Variants in ZNF816 observed in about 807,000 individuals in gnomAD.
The protein encoded by ZNF816 is zinc finger protein 816.
Under a neutral mutation model 8.3 loss-of-function variants are expected in ZNF816, and 11 were observed. The observed-to-expected ratio is 1.32, with a 90% CI of 0.83 to 2.19. The LOEUF (loss-of-function observed/expected upper bound fraction) is 2.19. Ranked by LOEUF, ZNF816 falls within the 30% of genes most tolerant of loss-of-function variation. ZNF816 has a pLI of 0.00. For synonymous variants in ZNF816, 255 were observed against 254.5 expected, an observed-to-expected ratio of 1.00 and a Z score of -0.02; for missense variants, 710 against 779.3, an observed-to-expected ratio of 0.91 and a Z score of 1.06.
At position 52,951,576 on chromosome 19, in the gene ZNF816, A is replaced by G; in HGVS notation, c.199T>C (p.Leu67=). Residue 67 remains leucine (L), a synonymous_variant, in exon 4 of 4, where the codon TTA becomes CTA. Coordinates refer to ENST00000444460, the MANE Select transcript of ZNF816 (RefSeq NM_001202457.3). ...GATGAGAACTCCATCATGGATTTTA[A>G]AGAGCTATCTAAAAAATATAAAGAC... The part of the protein sequence containing the change: ...YRNLEFVDSS[L]KSMMEFSSTR... 6.5e-7 allele frequency: 1 copy of G among 1,538,690 alleles called. No homozygotes were observed. The highest frequency in any genetic ancestry group is 8.7e-7 in the Non-Finnish European group (1 of 1,147,252).
rs758557277 is a variant in ZNF816 at position 52,951,029 on chromosome 19, A to T, written c.746T>A (p.Ile249Lys). 6.2e-7 allele frequency: 1 copy of T among 1,613,994 alleles called. No individual in the cohort carries two copies. Residue 249 changes from isoleucine to lysine, a missense_variant, in exon 4 of 4, where the codon ATA becomes AAA. Physicochemically the swap from Ile to Lys is moderately radical, Grantham distance 102. Coordinates refer to ENST00000444460, the MANE Select transcript of ZNF816 (RefSeq NM_001202457.3). ...NYSSLLRRHH[I>K]THSREREYKC... ...ATATTCTCTCTCTCTTGAATGGGTT[A>T]TGTGGTGTCTCCTTAAGAGTGAGCT...
In ZNF816 at chr19:52,952,016, G is replaced by A. The variant is rs186648785; in HGVS notation, c.191-432C>T. ...TACTGCTTAGAGAAGATGACCATTC[G>A]TTTATGTGATGAACACTGTCACAGT... On this transcript the variant is annotated intron_variant, in intron 3 of 3. Coordinates refer to ENST00000444460, the MANE Select transcript of ZNF816 (RefSeq NM_001202457.3). The A allele has an allele frequency of 3.6e-4, 144 of 397,514 alleles. 2 individuals are homozygous for A. Among genetic ancestry groups the A allele is most frequent in the Non-Finnish European group, 1.1e-4 (24 of 226,260 alleles). The allele number at this position is 397,514 out of a possible 1,614,324, so 24.6% of individuals were successfully genotyped here. A position where few individuals can be genotyped will look rare whatever the true frequency, so the allele number is the denominator to read the frequency against.
chr19:52,952,939 A>T, intron 2 of ZNF816, 62 bp from the exon 3 acceptor site: 1 of 1,530,190 alleles, frequency 6.5e-7, no homozygotes. Context: ...CCCTCACGTG[A>T]AATGAGAAAA....
intron 1 of ZNF816, among the ~76,000 whole-genome samples, chr19:52,962,286 G>A (rs755182814): frequency 2.0e-5 from 3 of 152,252 alleles, no homozygotes; most frequent in East Asian, 1.9e-4. Flanking sequence ...TCTGGGTCCT[G>A]GCTCTGGGAA....
At chr19:52,961,212 G>A (rs1286262769) in intron 1 of ZNF816, among the ~76,000 whole-genome samples, 3 of 152,102 alleles carry the variant, frequency 2.0e-5, no homozygotes. Context: ...TGCAACCACC[G>A]TTTTTCAAAT....
intron 2 of ZNF816, among the ~76,000 whole-genome samples, chr19:52,955,267 A>C (rs1435416936): frequency 6.6e-6 from 1 of 152,230 alleles, no homozygotes; most frequent in Non-Finnish European, 1.5e-5. Context: ...CTGCAGTTAG[A>C]TATTTATATT....
rs1019388360 is a variant in ZNF816 at position 52,957,749 on chromosome 19, T to G, written c.-15-1645A>C. ...CCCAGACTTGTACTGTAGGAAGACA[T>G]AAAGTGATTCACCAGTTCTTGTACA... On this transcript the variant is annotated intron_variant, in intron 1 of 3. Coordinates refer to ENST00000444460, the MANE Select transcript of ZNF816 (RefSeq NM_001202457.3). This position sits in a 1 kb window ranked among gnomAD's most constrained non-coding sequence, Gnocchi z 4.6. Among the ~76,000 whole-genome samples, 4 of 152,174 alleles carry G rather than the reference T, an allele frequency of 2.6e-5. No individual in the cohort carries two copies. The highest frequency in any genetic ancestry group is 2.6e-4 in the Admixed American group (4 of 15,280).
In ZNF816 at chr19:52,949,709, T is replaced by C; in HGVS notation, c.*110A>G. The C allele has an allele frequency of 6.6e-7, 1 of 1,513,336 alleles. No homozygotes were observed. Among genetic ancestry groups the C allele is most frequent in the Non-Finnish European group, 9.1e-7 (1 of 1,094,356 alleles). The allele number at this position is 1,513,336 out of a possible 1,614,324, so 93.7% of individuals were successfully genotyped here. ...TCACTGATGAACTACAAGTTATGAA[T>C]GACGTCTGAAAAATTTGCCACATTT... On this transcript the variant is annotated 3_prime_UTR_variant, in exon 4 of 4. Coordinates refer to ENST00000444460, the MANE Select transcript of ZNF816 (RefSeq NM_001202457.3).
chr19:52,961,756 G>C (rs2083558958), intron 1 of ZNF816, among the ~76,000 whole-genome samples: 1 of 152,178 alleles, frequency 6.6e-6, no homozygotes, highest in Admixed American at 6.5e-5. Flanking sequence ...CAAGGAACTT[G>C]TTTCTCCAGT....
chr19:52,956,218 C>T (rs772984055), intron 1 of ZNF816, 114 bp from the exon 2 acceptor site: 17 of 1,167,116 alleles, frequency 1.5e-5, no homozygotes, highest in Non-Finnish European at 1.9e-5. Flanking sequence ...CCTTTGCTAC[C>T]CACTGCACCA....
chr19:52,956,656 C>T (rs765614883), intron 1 of ZNF816, among the ~76,000 whole-genome samples: 15 of 152,312 alleles, frequency 9.8e-5, no homozygotes, highest in East Asian at 3.9e-4. Flanking sequence ...CCCATCTCTA[C>T]GAAGAACACA....
chr19:52,952,756 A>G lies in ZNF816; in HGVS notation c.185T>C (p.Phe62Ser), dbSNP rs911032091. The part of the protein sequence containing the change: ...VMLENYRNLE[F>S]VDSSLKSMME... Reference sequence around the variant, plus strand: ...TGGAGGGACATTTTCCTCACCCACAAACTCCAGGTTCCTGTAGTTCTCCAA... The same window carrying G: ...TGGAGGGACATTTTCCTCACCCACAGACTCCAGGTTCCTGTAGTTCTCCAA... The change falls in exon 3 of 4, where the codon TTT (phenylalanine) becomes TCT (serine). Residue 62 changes from phenylalanine to serine, a missense_variant. Coordinates refer to ENST00000444460, the MANE Select transcript of ZNF816 (RefSeq NM_001202457.3). The G allele has an allele frequency of 1.9e-6, 3 of 1,613,844 alleles. No homozygotes were observed. The highest frequency in any genetic ancestry group is 2.5e-6 in the Non-Finnish European group (3 of 1,179,964).
intron 2 of ZNF816, 37 bp downstream of exon 2, chr19:52,955,990 A>G (rs746834582): frequency 6.3e-7 from 1 of 1,587,954 alleles, no homozygotes; most frequent in East Asian, 2.2e-5. Context: ...TTCAGAAAGG[A>G]AAGAGACAGA....
chr19:52,949,858 A>G lies in ZNF816; in HGVS notation c.1917T>C (p.His639=), dbSNP rs750054069. The change falls in exon 4 of 4, where the codon CAT becomes CAC. Residue 639 remains histidine (H), a synonymous_variant. Transcript: ENST00000444460. ...TTTCCCTACACCCATGGATTGCTTG[A>G]TGGTGAATAAGTGTTGACTGTCCAG... ...AFTGQSTLIH[H]QAIHGCRETL... 2 of 1,613,756 alleles carry G rather than the reference A, an allele frequency of 1.2e-6. No individual in the cohort carries two copies. The highest frequency in any genetic ancestry group is 1.1e-5 in the South Asian group (1 of 91,036).
In ZNF816 at chr19:52,950,505, A is replaced by G. The variant is rs772626292; in HGVS notation, c.1270T>C (p.Ser424Pro). ...TTGTCACAAACCTTACATTTGTATGATCCCTCTCCAGTATGAATCTTCCTA... is the reference window on the plus strand; with the variant it reads ...TTGTCACAAACCTTACATTTGTATGGTCCCTCTCCAGTATGAATCTTCCTA... ...RHRKIHTGEG[S>P]YKCKVCDKVF... The change falls in exon 4 of 4, where the codon TCA (serine) becomes CCA (proline). Residue 424 changes from serine to proline, a missense_variant. Transcript: ENST00000444460. 1 of 1,611,602 alleles carries G rather than the reference A, an allele frequency of 6.2e-7. No individual in the cohort carries two copies. Among genetic ancestry groups the G allele is most frequent in the South Asian group, 1.1e-5 (1 of 90,940 alleles).
At chr19:52,955,881 G>A (rs868387544) in intron 2 of ZNF816, 146 bp downstream of exon 2, 1 of 1,045,854 alleles carries the variant, frequency 9.6e-7, no homozygotes, top group Non-Finnish European at 1.4e-6. Flanking sequence ...TTTAAGTGAA[G>A]ATGAGAGGGA....
chr19:52,949,786 G>A lies in ZNF816; in HGVS notation c.*33C>T, dbSNP rs1160826050. ...ATGGATTCTGTAATGATTTGCAATG[G>A]TTGTAGCATTACTGAAGACTTTGTG... On this transcript the variant is annotated 3_prime_UTR_variant, in exon 4 of 4. Coordinates refer to ENST00000444460, the MANE Select transcript of ZNF816 (RefSeq NM_001202457.3). The A allele has an allele frequency of 2.5e-6, 4 of 1,612,412 alleles. No individual in the cohort carries two copies. The highest frequency in any genetic ancestry group is 3.4e-6 in the Non-Finnish European group (4 of 1,179,082).
rs762936794 is a variant in ZNF816, at chr19:52,950,625, G to C, written c.1150C>G (p.Leu384Val). The C allele has an allele frequency of 1.4e-5, 22 of 1,614,036 alleles. 1 individual carries two copies. The Admixed American group carries it at 3.7e-4, about 27-fold the overall frequency. ...GTGTGAAGTATATGATGGCATTGAA[G>C]GGATGATTTCTGACTGAAGGTCTTG... is the stretch of plus-strand genomic sequence containing the variant. ...CGKTFSQKSS[L>V]QCHHILHTGE... Residue 384 changes from leucine (L) to valine (V), a missense_variant, in exon 4 of 4, where the codon CTT (leucine) becomes GTT (valine). Coordinates refer to ENST00000444460, the MANE Select transcript of ZNF816 (RefSeq NM_001202457.3).
intron 2 of ZNF816, among the ~76,000 whole-genome samples, chr19:52,954,062 T>C (rs949551732): frequency 7.8e-6 from 1 of 127,442 alleles, no homozygotes; most frequent in African/African-American, 3.3e-5. Context: ...AAAAAAGGTA[T>C]ATATATATTG....
Sources: gnomAD v4.1 joint callset for allele counts (sites outside exome capture counted in the v4.1 genomes callset) on GRCh38, gnomAD v4.1.1 for gene constraint, Gnocchi (gnomAD v3.1) non-coding constraint, MANE v1.5 for transcripts, NCBI Gene and HGNC (gene_info 2026-07-23, HGNC 2026-07-21) for gene names.